Variants in JAZF1 observed in about 807,000 individuals in gnomAD.
The protein encoded by JAZF1 is juxtaposed with another zinc finger protein 1.
In JAZF1, 8 loss-of-function variants were observed where a neutral mutation model predicts 26.4. The observed-to-expected ratio is 0.30, with a 90% CI of 0.18 to 0.55. The LOEUF is 0.55. Among genes scored for constraint, JAZF1 ranks in the 20% least tolerant of loss-of-function variants. JAZF1 has a pLI of 0.94. For synonymous variants in JAZF1, 126 were observed against 122.3 expected, an observed-to-expected ratio of 1.03 and a Z score of -0.20; for missense variants, 199 against 322.0, an observed-to-expected ratio of 0.62 and a Z score of 2.92.
At chr7:28,104,117 C>T (rs896151058) in intron 1 of JAZF1, among the ~76,000 whole-genome samples, 2 of 152,200 alleles carry the variant, frequency 1.3e-5, no homozygotes, top group Non-Finnish European at 2.9e-5. Flanking sequence ...GAATGCTGTT[C>T]TCCCAGCTGG....
chr7:28,065,675 T>C (rs1028163151), intron 1 of JAZF1, among the ~76,000 whole-genome samples: 3 of 152,182 alleles, frequency 2.0e-5, no homozygotes. Context: ...CAAGGGTTAA[T>C]GTGATAGCTA....
chr7:27,997,202 C>T (rs1486578237), intron 1 of JAZF1, among the ~76,000 whole-genome samples: 1 of 152,026 alleles, frequency 6.6e-6, no homozygotes, highest in African/African-American at 2.4e-5. Context: ...TTAGAGGTGT[C>T]AGGTATGGCA....
intron 1 of JAZF1, among the ~76,000 whole-genome samples, chr7:28,105,539 C>T (rs1461753659): frequency 6.6e-6 from 1 of 152,168 alleles, no homozygotes; most frequent in Admixed American, 6.5e-5. Flanking sequence ...ACTGAGTTCA[C>T]CTTTTAGTTT....
At chr7:27,948,000 G>C (rs567184108) in intron 2 of JAZF1, among the ~76,000 whole-genome samples, 1 of 152,120 alleles carries the variant, frequency 6.6e-6, no homozygotes, top group Admixed American at 6.6e-5. Flanking sequence ...CATGGCAGAG[G>C]CTGCCAAGGA....
chr7:28,087,206 T>A (rs1162310696), intron 1 of JAZF1, among the ~76,000 whole-genome samples: 5 of 152,072 alleles, frequency 3.3e-5, no homozygotes, highest in African/African-American at 1.2e-4. Context: ...ACCAACACCA[T>A]CCTTAAAAGG....
intron 4 of JAZF1, among the ~76,000 whole-genome samples, chr7:27,837,368 G>C: frequency 6.6e-6 from 1 of 152,250 alleles, no homozygotes; most frequent in Admixed American, 6.5e-5. Context: ...ACGCCTCTGG[G>C]AAGGATACAA....
At chr7:27,913,007 G>C (rs1009914444) in intron 2 of JAZF1, among the ~76,000 whole-genome samples, 6 of 151,868 alleles carry the variant, frequency 4.0e-5, no homozygotes, top group African/African-American at 1.5e-4. Context: ...TCGCTCCCTC[G>C]GAGAACATGA....
chr7:28,082,039 C>A (rs564085954), intron 1 of JAZF1, among the ~76,000 whole-genome samples: 5 of 152,152 alleles, frequency 3.3e-5, no homozygotes, highest in Non-Finnish European at 7.4e-5. Context: ...CTACATTCTG[C>A]GATAACAATA....
intron 2 of JAZF1, among the ~76,000 whole-genome samples, chr7:27,965,137 C>T (rs1785252535): frequency 6.6e-6 from 1 of 152,118 alleles, no homozygotes; most frequent in African/African-American, 2.4e-5. Context: ...TGTTCTTCAG[C>T]ATAAAATCTA....
At chr7:28,045,684 T>C (rs746682513) in intron 1 of JAZF1, among the ~76,000 whole-genome samples, 1 of 152,134 alleles carries the variant, frequency 6.6e-6, no homozygotes, top group Non-Finnish European at 1.5e-5. Flanking sequence ...TCAAGCGATC[T>C]GCCTACCTCA....
intron 1 of JAZF1, among the ~76,000 whole-genome samples, chr7:28,065,944 C>CA (rs1366639396): frequency 6.6e-6 from 1 of 152,088 alleles, no homozygotes; most frequent in African/African-American, 2.4e-5. Context: ...TACTTGTGAC[C>CA]AAAATACTGG....
chr7:28,176,834 G>A (rs964532749), intron 1 of JAZF1, among the ~76,000 whole-genome samples: 1 of 152,070 alleles, frequency 6.6e-6, no homozygotes, highest in Admixed American at 6.6e-5. Flanking sequence ...CTGGGATGCA[G>A]GGTTGTAGCG....
At chr7:27,915,871 C>G (rs1260210397) in intron 2 of JAZF1, among the ~76,000 whole-genome samples, 2 of 152,300 alleles carry the variant, frequency 1.3e-5, no homozygotes, top group African/African-American at 4.8e-5. Context: ...TTCAAGGTAA[C>G]AGTGAAATAC....
chr7:28,166,782 G>A (rs937762020), intron 1 of JAZF1, among the ~76,000 whole-genome samples: 3 of 152,196 alleles, frequency 2.0e-5, no homozygotes, highest in African/African-American at 7.2e-5. Context: ...GAATTTGTGT[G>A]TGGAATGTTT....
At chr7:28,071,080 G>A (rs942033267) in intron 1 of JAZF1, among the ~76,000 whole-genome samples, 1 of 152,156 alleles carries the variant, frequency 6.6e-6, no homozygotes, top group Non-Finnish European at 1.5e-5. Context: ...CCTACATGGG[G>A]AAGGCAGCTG....
Position 27,879,907 on chromosome 7 carries a change from G to T in JAZF1, c.385+15313C>A, listed in dbSNP as rs573419823. Reference sequence around the variant, plus strand: ...CATCTTCTGGAAGATAACAAAAGAGGCAAAATGTACTGAGAACACATCCAT... The same window carrying T: ...CATCTTCTGGAAGATAACAAAAGAGTCAAAATGTACTGAGAACACATCCAT... On this transcript the variant is annotated intron_variant, in intron 3 of 4. Coordinates refer to ENST00000283928, the MANE Select transcript of JAZF1 (RefSeq NM_175061.4). 2.0e-5 allele frequency among the ~76,000 whole-genome samples: 3 copies of T among 152,166 alleles called. No homozygotes were observed. In the South Asian group the frequency reaches 6.2e-4, roughly 32 times the overall value.
chr7:27,895,276 G>A lies in JAZF1; in HGVS notation c.329C>T (p.Pro110Leu), dbSNP rs183174892. ...GGGGGTGATGGGTGGGGTCACGGGG[G>A]GAGTAAGGCTTCCACTGCTGTGGCG... ...PPRHSSGSLT[P>L]PVTPPITPSS... Residue 110 changes from proline (P) to leucine (L), a missense_variant, in exon 3 of 5, where the codon CCC (proline) becomes CTC (leucine). Around this residue, in one of 2 missense-constraint regions of JAZF1, gnomAD observed 137 missense variants for 184.8 expected, o/e 0.74. Coordinates refer to ENST00000283928, the MANE Select transcript of JAZF1 (RefSeq NM_175061.4). 1.9e-6 allele frequency: 3 copies of A among 1,609,136 alleles called. No individual in the cohort carries two copies.
intron 1 of JAZF1, among the ~76,000 whole-genome samples, chr7:28,160,528 C>T (rs1027348363): frequency 6.6e-6 from 1 of 152,094 alleles, no homozygotes; most frequent in African/African-American, 2.4e-5. Flanking sequence ...GAGATGTCCT[C>T]AAAGGTTCCT....
At chr7:28,074,903 T>C (rs1337689327) in intron 1 of JAZF1, among the ~76,000 whole-genome samples, 1 of 152,090 alleles carries the variant, frequency 6.6e-6, no homozygotes, top group Non-Finnish European at 1.5e-5. Context: ...GTCTAAGCAT[T>C]TATAAAAAAT....
Sources: allele counts gnomAD v4.1 joint callset (sites outside exome capture counted in the v4.1 genomes callset), GRCh38; gene constraint gnomAD v4.1.1; regional missense constraint gnomAD v4.1.1; transcripts MANE v1.5; gene names NCBI Gene and HGNC (gene_info 2026-07-23, HGNC 2026-07-21).